The following GPHN variants were observed in gnomAD, a reference collection of about 807,000 sequenced individuals.
GPHN encodes gephyrin.
A neutral mutation model predicts 95.5 loss-of-function variants in GPHN; 17 were observed. The ratio of observed to expected loss-of-function variants is 0.18; its 90% CI spans 0.12 to 0.27. The LOEUF (loss-of-function observed/expected upper bound fraction) is 0.27, where lower values mean the gene tolerates loss of function less well. Ranked by LOEUF, GPHN falls within the 10% of genes least tolerant of loss-of-function variation. The pLI, the probability that GPHN is intolerant of heterozygous loss-of-function variation, is 1.00. For missense variants in GPHN, 660 were observed against 978.1 expected (o/e 0.67, Z 4.34); for synonymous variants, 320 against 322.5 (o/e 0.99, Z 0.08).
chr14:67,572,075 TG>T, the GPHN span: 1 of 1,555,544 alleles, frequency 6.4e-7, no homozygotes, highest in Non-Finnish European at 8.7e-7. Context: ...CAGCAGCTCC[TG>T]GGCTGCGTGA....
intron 8 of GPHN, among the ~76,000 whole-genome samples, chr14:66,933,094 A>T (rs2066913639): frequency 6.6e-6 from 1 of 152,208 alleles, no homozygotes; most frequent in Admixed American, 6.5e-5. Context: ...CTTTTGACAG[A>T]TGTTCAGTTT....
the GPHN span, among the ~76,000 whole-genome samples, chr14:67,697,407 C>T: frequency 7.2e-5 from 11 of 152,238 alleles, no homozygotes; most frequent in African/African-American, 2.6e-4. Flanking sequence ...TGAGGGTTCA[C>T]AGTCAGAGAA....
chr14:66,655,306 G>A (rs1278895591), intron 1 of GPHN, among the ~76,000 whole-genome samples: 1 of 152,008 alleles, frequency 6.6e-6, no homozygotes, highest in East Asian at 1.9e-4. Flanking sequence ...GTAGTTTTCA[G>A]CACGCAAGCC....
intron 8 of GPHN, among the ~76,000 whole-genome samples, chr14:66,931,059 G>C (rs900514027): frequency 4.6e-5 from 7 of 152,036 alleles, no homozygotes; most frequent in Non-Finnish European, 7.4e-5. Flanking sequence ...AAACCCCTCA[G>C]CTTTTGTTTA....
chr14:67,584,142 G>T, the GPHN span: 3 of 1,610,804 alleles, frequency 1.9e-6, no homozygotes, highest in Non-Finnish European at 1.7e-6. Context: ...CCAGTGGAAG[G>T]AGCTGCCCAC....
the GPHN span, among the ~76,000 whole-genome samples, chr14:67,576,829 G>C: frequency 6.6e-6 from 1 of 152,192 alleles, no homozygotes; most frequent in Non-Finnish European, 1.5e-5. This position sits in a 1 kb window ranked among gnomAD's most constrained non-coding sequence, Gnocchi z 4.0. Flanking sequence ...GTTAGAGTTT[G>C]TAAATCAACA....
At chr14:67,505,763 G>A in the GPHN span, among the ~76,000 whole-genome samples, 2 of 151,676 alleles carry the variant, frequency 1.3e-5, no homozygotes, top group South Asian at 4.2e-4. Flanking sequence ...CTGGTATGCA[G>A]TGGTGCGATC....
chr14:67,279,184 A>G, the GPHN span: 1 of 1,596,762 alleles, frequency 6.3e-7, no homozygotes, highest in Non-Finnish European at 8.5e-7. Flanking sequence ...ACAACATCCC[A>G]TATGAATGGG....
At chr14:66,599,636 A>C (rs1358379390) in intron 1 of GPHN, among the ~76,000 whole-genome samples, 1 of 151,762 alleles carries the variant, frequency 6.6e-6, no homozygotes, top group Non-Finnish European at 1.5e-5. Flanking sequence ...ATTGCTTGCA[A>C]ATAAAGATTA....
the GPHN span, chr14:67,684,469 C>A: frequency 6.6e-6 from 1 of 152,164 alleles, no homozygotes; most frequent in East Asian, 1.9e-4. Flanking sequence ...TTTTATCTAA[C>A]CCTGTGTTAT....
At chr14:67,196,284 T>G in the GPHN span, among the ~76,000 whole-genome samples, 1 of 151,984 alleles carries the variant, frequency 6.6e-6, no homozygotes, top group South Asian at 2.1e-4. Context: ...TGGCACAGTC[T>G]TGGCTCACTG....
chr14:67,204,461 A>T, the GPHN span: 15 of 1,443,386 alleles, frequency 1.0e-5, no homozygotes, highest in African/African-American at 2.2e-4. Context: ...AAACAAATAT[A>T]TATATATATA....
chr14:66,754,592 C>A (rs780550988), intron 2 of GPHN, among the ~76,000 whole-genome samples: 2 of 151,382 alleles, frequency 1.3e-5, no homozygotes, highest in Admixed American at 1.3e-4. Context: ...ATAAATAATG[C>A]GATAATAGAA....
At chr14:67,287,050 T>C in the GPHN span, among the ~76,000 whole-genome samples, 1 of 151,992 alleles carries the variant, frequency 6.6e-6, no homozygotes, top group East Asian at 1.9e-4. Context: ...ATCTTGTCTC[T>C]ACAAAAAATA....
chr14:67,359,720 C>T, the GPHN span: 2 of 1,613,628 alleles, frequency 1.2e-6, no homozygotes, highest in Non-Finnish European at 8.5e-7. Flanking sequence ...CTTTTCGGCT[C>T]GGGTCCCCGG....
chr14:67,552,701 A>G, the GPHN span, among the ~76,000 whole-genome samples: 1 of 151,436 alleles, frequency 6.6e-6, no homozygotes, highest in East Asian at 1.9e-4. Flanking sequence ...CGGGAGGCGG[A>G]GCTTGCAGTG....
chr14:67,189,737 C>T, the GPHN span: 11 of 152,078 alleles, frequency 7.2e-5, no homozygotes, highest in Admixed American at 5.9e-4. Context: ...GCTGAAAAGC[C>T]GAGAGACTTA....
At chr14:67,354,972 C>G in the GPHN span, among the ~76,000 whole-genome samples, 1 of 152,006 alleles carries the variant, frequency 6.6e-6, no homozygotes, top group Admixed American at 6.6e-5. Flanking sequence ...CGTCACCATG[C>G]CTGGCTAATT....
intron 2 of GPHN, among the ~76,000 whole-genome samples, chr14:66,741,570 T>C (rs2072795095): frequency 6.6e-6 from 1 of 152,202 alleles, no homozygotes; most frequent in South Asian, 2.1e-4. Context: ...TTGTTGTCTT[T>C]GGGCAGAATC....
Sources: allele counts gnomAD v4.1 joint callset (sites outside exome capture counted in the v4.1 genomes callset), GRCh38; gene constraint gnomAD v4.1.1; non-coding constraint Gnocchi (gnomAD v3.1); transcripts MANE v1.5; gene names NCBI Gene and HGNC (gene_info 2026-07-23, HGNC 2026-07-21).